VWA8: variants seen among roughly 807,000 people sequenced by gnomAD.
VWA8 encodes von Willebrand factor A domain-containing protein 8.
In VWA8, 221 loss-of-function variants were observed where a neutral mutation model predicts 241.5. The observed-to-expected ratio is 0.91, with a 90% CI of 0.82 to 1.02. VWA8 has a LOEUF of 1.02. Ranked by LOEUF, VWA8 falls within the 50% of genes least tolerant of loss-of-function variation. The pLI is 0.00. For missense variants in VWA8, 2,322 were observed against 2,328.7 expected (o/e 1.00, Z 0.06); for synonymous variants, 852 against 827.1 (o/e 1.03, Z -0.52).
rs115264140 is a variant in VWA8 at position 41,607,417 on chromosome 13, A to G, written c.4878-2141T>C. 3.3e-3 allele frequency among the ~76,000 whole-genome samples: 508 copies of G among 152,322 alleles called. 3 individuals carry two copies. Among genetic ancestry groups the G allele is most frequent in the African/African-American group, 0.012 (492 of 41,566 alleles). On this transcript the variant is annotated intron_variant, in intron 39 of 44. Coordinates refer to ENST00000379310, the MANE Select transcript of VWA8 (RefSeq NM_015058.2). ...TTGACCTCCTGACAATACCTCTTGT[A>G]TTTAGTTTCTGGCAGTCTCTGAAAT... is the stretch of plus-strand genomic sequence containing the variant.
intron 29 of VWA8, among the ~76,000 whole-genome samples, chr13:41,694,942 T>C (rs994086630): frequency 6.6e-6 from 1 of 152,194 alleles, no homozygotes; most frequent in Non-Finnish European, 1.5e-5. Flanking sequence ...CTGCTGTATT[T>C]AGAATTAGTT....
At chr13:41,841,858 T>TATAA (rs1566478201) in intron 12 of VWA8, among the ~76,000 whole-genome samples, 2 of 65,610 alleles carry the variant, frequency 3.0e-5, no homozygotes, top group Non-Finnish European at 5.4e-5. Context: ...TATATATATA[T>TATAA]AAAAACAGTA....
chr13:41,958,503 C>T (rs1490172156), intron 1 of VWA8, among the ~76,000 whole-genome samples: 1 of 152,194 alleles, frequency 6.6e-6, no homozygotes, highest in Non-Finnish European at 1.5e-5. Flanking sequence ...TGTATGAATG[C>T]AGCTGAGAGC....
intron 21 of VWA8, among the ~76,000 whole-genome samples, chr13:41,752,658 C>T (rs76414106): frequency 6.6e-6 from 1 of 152,124 alleles, no homozygotes. Flanking sequence ...TACTACAGTG[C>T]AAACCAATGT....
chr13:41,759,315 C>T (rs1279566230), intron 21 of VWA8, among the ~76,000 whole-genome samples: 1 of 151,362 alleles, frequency 6.6e-6, no homozygotes. Context: ...TCATTGTTCC[C>T]CTATAGGTAA....
In VWA8 at chr13:41,688,574, A is replaced by G. The variant is rs1321417599; in HGVS notation, c.4131+780T>C. On this transcript the variant is annotated intron_variant, in intron 34 of 44. Transcript: ENST00000379310. ...AAGGGCCCATCTAAGAGGAAAATCA[A>G]TTGAGACAATTAGCCATTATACTAT... 2.6e-5 allele frequency among the ~76,000 whole-genome samples: 4 copies of G among 152,254 alleles called. No individual in the cohort carries two copies. In the South Asian group the frequency reaches 8.3e-4, roughly 32 times the overall value.
At chr13:41,868,887 C>CAAA (rs56124196) in intron 9 of VWA8, among the ~76,000 whole-genome samples, 3 of 75,902 alleles carry the variant, frequency 4.0e-5, no homozygotes, top group Admixed American at 1.9e-4. Context: ...GACTCCGTCT[C>CAAA]AAAAAAAAAA....
chr13:41,778,870 C>G (rs967117366), intron 19 of VWA8, among the ~76,000 whole-genome samples: 3 of 95,686 alleles, frequency 3.1e-5, no homozygotes, highest in African/African-American at 4.1e-5. Context: ...GAGGCGGAGT[C>G]TTACTCTATC....
intron 21 of VWA8, among the ~76,000 whole-genome samples, chr13:41,736,585 TA>T (rs2045526509): frequency 6.6e-6 from 1 of 152,158 alleles, no homozygotes; most frequent in Non-Finnish European, 1.5e-5. Context: ...GATATTTTAA[TA>T]AGTTGTATCT....
At chr13:41,920,471 A>C (rs1566039545) in intron 2 of VWA8, among the ~76,000 whole-genome samples, 1 of 152,230 alleles carries the variant, frequency 6.6e-6, no homozygotes, top group Admixed American at 6.5e-5. Flanking sequence ...ACACAAAAAA[A>C]ACCTTCAAAA....
chr13:41,910,604 AC>A (rs1172739066), intron 3 of VWA8, among the ~76,000 whole-genome samples: 22 of 151,482 alleles, frequency 1.5e-4, no homozygotes, highest in African/African-American at 4.4e-4. Flanking sequence ...AAAAAAAAAA[AC>A]AACAACAAAA....
intron 12 of VWA8, among the ~76,000 whole-genome samples, chr13:41,851,702 C>T (rs1872539532): frequency 6.6e-6 from 1 of 151,972 alleles, no homozygotes; most frequent in Non-Finnish European, 1.5e-5. Context: ...TCAATTAAAC[C>T]TTTTTCTTCC....
intron 42 of VWA8, among the ~76,000 whole-genome samples, chr13:41,578,425 A>G (rs1221175478): frequency 2.0e-5 from 3 of 152,200 alleles, no homozygotes; most frequent in Non-Finnish European, 2.9e-5. Context: ...TGCAGATTAT[A>G]TTAAGCTTCC....
At chr13:41,666,749 T>C (rs2137795116) in intron 37 of VWA8, among the ~76,000 whole-genome samples, 1 of 152,192 alleles carries the variant, frequency 6.6e-6, no homozygotes. Flanking sequence ...GGGACTTCTC[T>C]AATAGGAATA....
intron 37 of VWA8, among the ~76,000 whole-genome samples, chr13:41,642,113 T>TG (rs894135237): frequency 3.9e-4 from 60 of 152,314 alleles, no homozygotes; most frequent in African/African-American, 1.4e-3. Flanking sequence ...CCCAGCCTCT[T>TG]GGAGGAGTTA....
chr13:41,957,844 G>A (rs985109257), intron 1 of VWA8, among the ~76,000 whole-genome samples: 5 of 152,006 alleles, frequency 3.3e-5, no homozygotes, highest in Admixed American at 6.6e-5. Context: ...TAATAATGGC[G>A]TTAAAGGAAA....
intron 13 of VWA8, among the ~76,000 whole-genome samples, chr13:41,831,458 A>G (rs934691386): frequency 6.6e-6 from 1 of 152,196 alleles, no homozygotes; most frequent in African/African-American, 2.4e-5. Context: ...TATTAATGTG[A>G]AAACTAAACA....
chr13:41,863,423 GTGTGTGTGTGT>G (rs1873111901), intron 12 of VWA8, among the ~76,000 whole-genome samples: 1 of 61,712 alleles, frequency 1.6e-5, no homozygotes, highest in Admixed American at 1.7e-4. Flanking sequence ...GTGTGTGTGT[GTGTGTGTGTGT>G]ATATATATAT....
intron 14 of VWA8, among the ~76,000 whole-genome samples, chr13:41,824,512 T>C (rs1871096078): frequency 6.6e-6 from 1 of 151,886 alleles, no homozygotes; most frequent in African/African-American, 2.4e-5. Flanking sequence ...CAAAACTAGA[T>C]TGGAAAGTGG....
Sources: gnomAD v4.1 joint callset for allele counts (sites outside exome capture counted in the v4.1 genomes callset) on GRCh38, gnomAD v4.1.1 for gene constraint, MANE v1.5 for transcripts, NCBI Gene and HGNC (gene_info 2026-07-23, HGNC 2026-07-21) for gene names.